RIT2: variants seen among roughly 807,000 people sequenced by gnomAD.
The protein encoded by RIT2 is GTP-binding protein Rit2.
RIT2 carries 24 observed loss-of-function variants against 23.7 expected under a neutral mutation model. The observed-to-expected ratio is 1.01, with a 90% confidence interval of 0.73 to 1.43. The LOEUF is 1.43. RIT2 is among the 40% of genes most tolerant of loss of function. The pLI is 0.00. For synonymous variants in RIT2, 107 were observed against 91.1 expected, an observed-to-expected ratio of 1.17 and a Z score of -0.99; for missense variants, 236 against 266.9, an observed-to-expected ratio of 0.88 and a Z score of 0.81.
chr18:43,037,174 A>G (rs901199203), intron 1 of RIT2, among the ~76,000 whole-genome samples: 4 of 152,234 alleles, frequency 2.6e-5, no homozygotes, highest in Admixed American at 2.0e-4. Flanking sequence ...ATATACACAC[A>G]AGAACACAAT....
chr18:42,844,845 G>C (rs1003026501), intron 4 of RIT2, among the ~76,000 whole-genome samples: 1 of 152,114 alleles, frequency 6.6e-6, no homozygotes, highest in African/African-American at 2.4e-5. Context: ...GCCCCTATCT[G>C]CCTAGAATTT....
At chr18:42,756,995 A>T (rs964997191) in intron 4 of RIT2, among the ~76,000 whole-genome samples, 4 of 152,164 alleles carry the variant, frequency 2.6e-5, no homozygotes, top group Admixed American at 6.6e-5. Context: ...AGAATATAAG[A>T]TCAAGAAGAC....
At chr18:42,816,199 A>AT (rs1320029407) in intron 4 of RIT2, among the ~76,000 whole-genome samples, 3 of 151,904 alleles carry the variant, frequency 2.0e-5, no homozygotes, top group Non-Finnish European at 4.4e-5. Flanking sequence ...ATACCCCCCC[A>AT]TGGCTGATTT....
At chr18:42,779,754 G>A (rs1393803917) in intron 4 of RIT2, among the ~76,000 whole-genome samples, 1 of 152,148 alleles carries the variant, frequency 6.6e-6, no homozygotes, top group Non-Finnish European at 1.5e-5. Flanking sequence ...AAGTCAATGT[G>A]ATTTGGAAAT....
At chr18:42,768,174 C>T (rs759865929) in intron 4 of RIT2, among the ~76,000 whole-genome samples, 21 of 152,152 alleles carry the variant, frequency 1.4e-4, no homozygotes, top group Non-Finnish European at 2.1e-4. Flanking sequence ...ATGCTCCTCA[C>T]CCTCACTGAT....
At chr18:43,076,996 G>A (rs896853584) in intron 1 of RIT2, among the ~76,000 whole-genome samples, 2 of 149,690 alleles carry the variant, frequency 1.3e-5, no homozygotes, top group East Asian at 2.0e-4. Context: ...CCAGCTACTC[G>A]GGAGGCTGAG....
At chr18:42,982,301 C>A (rs1030577786) in intron 2 of RIT2, among the ~76,000 whole-genome samples, 1 of 152,088 alleles carries the variant, frequency 6.6e-6, no homozygotes, top group Admixed American at 6.6e-5. Context: ...ATTCACCTTC[C>A]GCATTTGTTC....
chr18:43,030,976 G>A (rs1044042754), intron 2 of RIT2, among the ~76,000 whole-genome samples: 7 of 152,166 alleles, frequency 4.6e-5, no homozygotes, highest in Middle Eastern at 3.4e-3. Flanking sequence ...GTATAAGACT[G>A]TAGGTATCTA....
chr18:42,808,839 GT>G (rs1905759973), intron 4 of RIT2, among the ~76,000 whole-genome samples: 1 of 152,034 alleles, frequency 6.6e-6, no homozygotes, highest in African/African-American at 2.4e-5. Flanking sequence ...TAATTATACT[GT>G]TCTATTCAGA....
At chr18:43,038,741 ATATT>A (rs1912051925) in intron 1 of RIT2, among the ~76,000 whole-genome samples, 1 of 152,122 alleles carries the variant, frequency 6.6e-6, no homozygotes, top group Admixed American at 6.5e-5. Context: ...TTGGGGGAGA[ATATT>A]TATTAGCTTA....
chr18:42,916,450 C>T (rs1908912521), intron 4 of RIT2, among the ~76,000 whole-genome samples: 2 of 152,102 alleles, frequency 1.3e-5, no homozygotes, highest in Non-Finnish European at 2.9e-5. Context: ...AGAATTGCTA[C>T]TCTGTTTTAC....
At position 42,917,215 on chromosome 18, in the gene RIT2, C is replaced by CATCTG. The variant is rs1908933120; in HGVS notation, c.426+6356_426+6357insCAGAT. Among the ~76,000 whole-genome samples, 6 of 152,158 alleles carry CATCTG rather than the reference C, an allele frequency of 3.9e-5. No individual in the cohort carries two copies. The South Asian group carries it at 1.2e-3, about 32-fold the overall frequency. The stretch of plus-strand genomic sequence containing the variant: ...TCTGTCACTGATTTGTCCAAGGACA[C>CATCTG]AGTAATCATCTGAGTAACAATTCAA... On this transcript the variant is annotated intron_variant, in intron 4 of 4. Transcript: ENST00000326695.
chr18:42,761,052 T>A (rs1214437094), intron 4 of RIT2, among the ~76,000 whole-genome samples: 1 of 152,232 alleles, frequency 6.6e-6, no homozygotes. Context: ...GCAAAAGCAA[T>A]CACAGTTATG....
At chr18:42,764,775 T>C (rs1387685803) in intron 4 of RIT2, among the ~76,000 whole-genome samples, 4 of 152,250 alleles carry the variant, frequency 2.6e-5, no homozygotes, top group Admixed American at 2.6e-4. Context: ...TCCTCTCATC[T>C]GCTAACCTTA....
At chr18:42,923,009 C>G (rs1462563453) in intron 4 of RIT2, among the ~76,000 whole-genome samples, 1 of 152,102 alleles carries the variant, frequency 6.6e-6, no homozygotes, top group Non-Finnish European at 1.5e-5. Flanking sequence ...GCCACTGATT[C>G]TCTAGGTCAG....
intron 4 of RIT2, among the ~76,000 whole-genome samples, chr18:42,832,792 C>T (rs909786183): frequency 2.0e-5 from 3 of 152,026 alleles, no homozygotes; most frequent in Non-Finnish European, 4.4e-5. Flanking sequence ...GTGGCTCAGT[C>T]CTGTAATCCC....
chr18:42,887,707 C>T (rs1908059836), intron 4 of RIT2, among the ~76,000 whole-genome samples: 1 of 152,156 alleles, frequency 6.6e-6, no homozygotes, highest in Admixed American at 6.6e-5. Context: ...AAAGACTACA[C>T]ACAAATGTTT....
intron 2 of RIT2, among the ~76,000 whole-genome samples, chr18:43,010,050 G>T (rs1261559074): frequency 1.5e-4 from 23 of 151,748 alleles, no homozygotes; most frequent in Non-Finnish European, 5.9e-5. Flanking sequence ...CTGCAATTTA[G>T]AAATTGTTTT....
chr18:42,750,486 C>T (rs1240508832), intron 4 of RIT2, among the ~76,000 whole-genome samples: 1 of 151,814 alleles, frequency 6.6e-6, no homozygotes. Context: ...ACATGCAGCA[C>T]TCCCTTTGAA....
Sources: gnomAD v4.1 joint callset for allele counts (sites outside exome capture counted in the v4.1 genomes callset) on GRCh38, gnomAD v4.1.1 for gene constraint, MANE v1.5 for transcripts, NCBI Gene and HGNC (gene_info 2026-07-23, HGNC 2026-07-21) for gene names.